The following RNF180 variants were observed in gnomAD, a reference collection of about 807,000 sequenced individuals.
RNF180 encodes ring finger protein 180, also known as E3 ubiquitin-protein ligase RNF180.
Under a neutral mutation model 59.2 loss-of-function variants are expected in RNF180, and 38 were observed. That is an observed-to-expected ratio of 0.64 (90% CI 0.50 to 0.84). RNF180 has a LOEUF of 0.84. Among genes scored for constraint, RNF180 ranks in the 40% least tolerant of loss-of-function variants. The probability of loss-of-function intolerance (pLI) is 0.00; values close to 1 mark genes in which losing one functional copy is unlikely to be tolerated. For synonymous variants in RNF180, 262 were observed against 240.3 expected, an observed-to-expected ratio of 1.09 and a Z score of -0.84; for missense variants, 705 against 700.9, an observed-to-expected ratio of 1.01 and a Z score of -0.07.
At chr5:64,348,806 T>C (rs1436967044) in intron 7 of RNF180, among the ~76,000 whole-genome samples, 2 of 152,110 alleles carry the variant, frequency 1.3e-5, no homozygotes, top group Non-Finnish European at 2.9e-5. Context: ...TAAATGACTA[T>C]TTATAAAACT....
At chr5:64,191,900 T>C (rs1208426619) in intron 1 of RNF180, among the ~76,000 whole-genome samples, 2 of 152,230 alleles carry the variant, frequency 1.3e-5, no homozygotes, top group African/African-American at 2.4e-5. Flanking sequence ...CTCTGTTTTC[T>C]TCCAGGAGTT....
chr5:64,219,671 G>A (rs556676602), intron 5 of RNF180, among the ~76,000 whole-genome samples: 9 of 141,622 alleles, frequency 6.4e-5, no homozygotes, highest in Admixed American at 3.5e-4. Context: ...ACGCCACCAC[G>A]CTCAGCTAAT....
Position 64,291,745 on chromosome 5 carries a change from T to C in RNF180, c.1228-33441T>C, listed in dbSNP as rs560361974. ...CCCGGCCCTGAAGTATGTTTTCTAA[T>C]ATGGTTCCATTCTCCTTGTCTCTTT... On this transcript the variant is annotated intron_variant, in intron 5 of 7. Transcript: ENST00000389100. Among the ~76,000 whole-genome samples the C allele has an allele frequency of 8.4e-4, 128 of 152,198 alleles. 1 individual carries two copies. The highest frequency in any genetic ancestry group is 1.5e-3 in the South Asian group (7 of 4,822).
chr5:64,197,539 C>G (rs1751517197), intron 1 of RNF180, among the ~76,000 whole-genome samples: 1 of 152,152 alleles, frequency 6.6e-6, no homozygotes, highest in African/African-American at 2.4e-5. Flanking sequence ...TCCTTTTATT[C>G]TTTACCACCA....
At chr5:64,285,810 G>A (rs1316787770) in intron 5 of RNF180, among the ~76,000 whole-genome samples, 2 of 152,116 alleles carry the variant, frequency 1.3e-5, no homozygotes, top group East Asian at 3.9e-4. Context: ...GTGAGCCTTG[G>A]GGAAGGGACA....
At position 64,253,817 on chromosome 5, in the gene RNF180, T is replaced by C. The variant is rs570470618; in HGVS notation, c.1227+36421T>C. Among the ~76,000 whole-genome samples, 65 of 152,242 alleles carry C rather than the reference T, an allele frequency of 4.3e-4. No homozygotes were observed. In the South Asian group the frequency reaches 0.012, roughly 29 times the overall value. On this transcript the variant is annotated intron_variant, in intron 5 of 7. Transcript: ENST00000389100. ...ATAAAAGCTCTGAATTAAAGTAATA[T>C]CGGCATATTAAACTTTTAAACAAAC...
intron 7 of RNF180, among the ~76,000 whole-genome samples, chr5:64,337,762 T>A (rs1745192068): frequency 6.6e-6 from 1 of 150,878 alleles, no homozygotes; most frequent in Admixed American, 6.6e-5. Flanking sequence ...CGGTGTTTGG[T>A]TTTTTGTCCT....
rs184038428 is a variant in RNF180 at position 64,184,461 on chromosome 5, T to A, written c.1-16347T>A. Among the ~76,000 whole-genome samples the A allele has an allele frequency of 1.4e-4, 22 of 152,354 alleles. No homozygotes were observed. The East Asian group carries it at 4.1e-3, about 28-fold the overall frequency. On this transcript the variant is annotated intron_variant, in intron 1 of 7. Transcript: ENST00000389100. ...GTCAAAAATGGTAATTTTAATATAA[T>A]CACCCTTCATTTTTTAGCACTGTGC...
intron 7 of RNF180, among the ~76,000 whole-genome samples, chr5:64,367,371 C>T (rs537571285): frequency 2.0e-5 from 3 of 151,664 alleles, no homozygotes; most frequent in African/African-American, 7.2e-5. Flanking sequence ...ATTACATATA[C>T]TCCATTAAAA....
chr5:64,173,673 G>A (rs1041485152), intron 1 of RNF180, among the ~76,000 whole-genome samples: 2 of 149,480 alleles, frequency 1.3e-5, no homozygotes, highest in African/African-American at 4.9e-5. Flanking sequence ...CTACTTCCCA[G>A]ATTCTGGTGA....
At chr5:64,196,254 T>C (rs1179804406) in intron 1 of RNF180, among the ~76,000 whole-genome samples, 1 of 152,096 alleles carries the variant, frequency 6.6e-6, no homozygotes, top group African/African-American at 2.4e-5. Flanking sequence ...TAGCATTAGC[T>C]AGGAGTCCTG....
chr5:64,363,362 T>C (rs1229539742), intron 7 of RNF180, among the ~76,000 whole-genome samples: 1 of 151,884 alleles, frequency 6.6e-6, no homozygotes, highest in African/African-American at 2.4e-5. Context: ...ACTTTCCCCA[T>C]TGTTTGTTCA....
chr5:64,233,514 C>T, intron 5 of RNF180, among the ~76,000 whole-genome samples: 1 of 152,264 alleles, frequency 6.6e-6, no homozygotes, highest in Middle Eastern at 3.4e-3. Context: ...TGCTTATGGA[C>T]TATATACGTA....
intron 2 of RNF180, among the ~76,000 whole-genome samples, chr5:64,205,882 G>A (rs578205333): frequency 5.9e-5 from 9 of 152,084 alleles, no homozygotes; most frequent in African/African-American, 2.2e-4. Flanking sequence ...GACAGAAAAA[G>A]AGAAGCTCCA....
chr5:64,237,335 G>A (rs1742503770), intron 5 of RNF180, among the ~76,000 whole-genome samples: 1 of 152,140 alleles, frequency 6.6e-6, no homozygotes, highest in African/African-American at 2.4e-5. Flanking sequence ...CAGGTGTCAG[G>A]CTTGTATAGG....
intron 1 of RNF180, among the ~76,000 whole-genome samples, chr5:64,191,554 A>G (rs1240113690): frequency 1.3e-5 from 2 of 152,240 alleles, no homozygotes; most frequent in Admixed American, 6.5e-5. Context: ...GATAGAAAAT[A>G]TAGACTATTT....
intron 2 of RNF180, among the ~76,000 whole-genome samples, chr5:64,205,700 A>G (rs1187045266): frequency 6.6e-6 from 1 of 152,152 alleles, no homozygotes. Flanking sequence ...TGAGATTACC[A>G]TGCAGTGTAT....
At chr5:64,305,315 T>C (rs1213682763) in intron 5 of RNF180, among the ~76,000 whole-genome samples, 1 of 151,582 alleles carries the variant, frequency 6.6e-6, no homozygotes, top group Non-Finnish European at 1.5e-5. Context: ...TGGTTGAGCA[T>C]GAGAAAAAAC....
At chr5:64,323,109 C>T (rs745931575) in intron 5 of RNF180, among the ~76,000 whole-genome samples, 17 of 152,170 alleles carry the variant, frequency 1.1e-4, no homozygotes, top group Non-Finnish European at 2.2e-4. Flanking sequence ...TTTTAAGGAA[C>T]ATGCTCCTGA....
Sources: gnomAD v4.1 joint callset for allele counts (sites outside exome capture counted in the v4.1 genomes callset) on GRCh38, gnomAD v4.1.1 for gene constraint, MANE v1.5 for transcripts, NCBI Gene and HGNC (gene_info 2026-07-23, HGNC 2026-07-21) for gene names.